Variants in SNTG1 observed in about 807,000 individuals in gnomAD.
SNTG1 encodes syntrophin gamma 1, also known as gamma-1-syntrophin.
In SNTG1, 39 loss-of-function variants were observed where a neutral mutation model predicts 74.7. The ratio of observed to expected loss-of-function variants is 0.52; its 90% CI spans 0.40 to 0.68. The LOEUF is 0.68. Ranked by LOEUF, SNTG1 falls within the 30% of genes least tolerant of loss-of-function variation. The pLI is 0.00. For synonymous variants in SNTG1, 254 were observed against 217.1 expected (o/e 1.17, Z -1.49); for missense variants, 685 against 609.5 (o/e 1.12, Z -1.30).
chr8:50,411,910 T>A (rs1404749114), intron 4 of SNTG1, among the ~76,000 whole-genome samples: 2 of 152,086 alleles, frequency 1.3e-5, no homozygotes, highest in African/African-American at 4.8e-5. Flanking sequence ...CCATCTCAGG[T>A]TCCATAGTCT....
At chr8:50,253,292 G>T (rs529811073) in intron 2 of SNTG1, among the ~76,000 whole-genome samples, 7 of 151,936 alleles carry the variant, frequency 4.6e-5, no homozygotes, top group African/African-American at 1.5e-4. Flanking sequence ...GCGTGGTGGC[G>T]GGCACCTGTA....
At chr8:50,512,236 T>A (rs1260781639) in intron 9 of SNTG1, among the ~76,000 whole-genome samples, 2 of 152,128 alleles carry the variant, frequency 1.3e-5, no homozygotes, top group Non-Finnish European at 2.9e-5. Flanking sequence ...GAATGTTTAA[T>A]ATTGGCCCCC....
chr8:50,303,049 T>A lies in SNTG1; in HGVS notation c.-27-91163T>A, dbSNP rs1486111847. On this transcript the variant is annotated intron_variant, in intron 2 of 18. Transcript: ENST00000642720. ...ACCATATGCCAAAATGTCTTAAAAT[T>A]TCTCATTTTAAAAAACATTTAAATT... is the stretch of plus-strand genomic sequence containing the variant. Among the ~76,000 whole-genome samples the A allele has an allele frequency of 2.0e-5, 3 of 152,198 alleles. No homozygotes were observed. The East Asian group carries it at 5.8e-4, about 29-fold the overall frequency.
At chr8:50,050,746 A>G (rs1803852642) in intron 1 of SNTG1, among the ~76,000 whole-genome samples, 1 of 152,082 alleles carries the variant, frequency 6.6e-6, no homozygotes, top group Admixed American at 6.6e-5. Flanking sequence ...AAAGAAAACT[A>G]CAGGTCAACA....
intron 2 of SNTG1, among the ~76,000 whole-genome samples, chr8:50,276,928 C>G (rs2088146776): frequency 6.6e-6 from 1 of 152,014 alleles, no homozygotes; most frequent in Non-Finnish European, 1.5e-5. Flanking sequence ...AGCTCCGCCT[C>G]CCACCATTCT....
chr8:50,016,038 C>T (rs985472436), intron 1 of SNTG1, among the ~76,000 whole-genome samples: 2 of 152,016 alleles, frequency 1.3e-5, no homozygotes, highest in African/African-American at 2.4e-5. Context: ...CAGTGCATCA[C>T]ATTGATTTGC....
intron 13 of SNTG1, among the ~76,000 whole-genome samples, chr8:50,646,704 T>C (rs900305536): frequency 2.0e-5 from 3 of 152,178 alleles, no homozygotes; most frequent in African/African-American, 7.2e-5. Flanking sequence ...TGTAGATATA[T>C]ATTAAAAACT....
At chr8:49,933,112 G>A (rs1807745103) in intron 1 of SNTG1, among the ~76,000 whole-genome samples, 1 of 152,110 alleles carries the variant, frequency 6.6e-6, no homozygotes, top group Non-Finnish European at 1.5e-5. Context: ...GTGAACGTAT[G>A]TTTTCAATTT....
At chr8:50,266,646 ATGTGTGTGTG>A (rs748153246) in intron 2 of SNTG1, among the ~76,000 whole-genome samples, 4 of 69,724 alleles carry the variant, frequency 5.7e-5, no homozygotes, top group African/African-American at 1.2e-4. Flanking sequence ...ACACAGAATT[ATGTGTGTGTG>A]TGTGTGTGTG....
At chr8:50,585,018 G>T (rs1331315839) in intron 12 of SNTG1, among the ~76,000 whole-genome samples, 1 of 152,114 alleles carries the variant, frequency 6.6e-6, no homozygotes, top group African/African-American at 2.4e-5. Context: ...GCAGGCATTG[G>T]CTCTGGGTCA....
intron 17 of SNTG1, among the ~76,000 whole-genome samples, chr8:50,745,860 G>C (rs2095553977): frequency 6.6e-6 from 1 of 151,808 alleles, no homozygotes; most frequent in South Asian, 2.1e-4. Context: ...AGGGTGCCTG[G>C]GGCAGTGGGG....
intron 12 of SNTG1, among the ~76,000 whole-genome samples, chr8:50,555,361 C>T (rs903988875): frequency 2.0e-5 from 3 of 152,096 alleles, no homozygotes; most frequent in Non-Finnish European, 2.9e-5. Flanking sequence ...GAAAGTACTA[C>T]ATAAATGTTG....
At chr8:50,567,427 G>A (rs1162135690) in intron 12 of SNTG1, among the ~76,000 whole-genome samples, 2 of 152,054 alleles carry the variant, frequency 1.3e-5, no homozygotes, top group Non-Finnish European at 1.5e-5. Flanking sequence ...TACCCTATAT[G>A]TGTTGTTTAT....
intron 9 of SNTG1, among the ~76,000 whole-genome samples, chr8:50,524,778 C>G (rs912671830): frequency 6.6e-6 from 1 of 152,060 alleles, no homozygotes; most frequent in South Asian, 2.1e-4. Flanking sequence ...AAATACTACA[C>G]CATTTTATGT....
At chr8:50,648,936 A>G (rs1308603210) in intron 13 of SNTG1, among the ~76,000 whole-genome samples, 1 of 152,098 alleles carries the variant, frequency 6.6e-6, no homozygotes, top group African/African-American at 2.4e-5. Flanking sequence ...ATGCATTCCA[A>G]ATACTATAGT....
chr8:50,101,045 T>G (rs1413947248), intron 1 of SNTG1, among the ~76,000 whole-genome samples: 1 of 152,148 alleles, frequency 6.6e-6, no homozygotes, highest in Non-Finnish European at 1.5e-5. Context: ...GGTTTTCTGT[T>G]CCTACGTTAC....
At chr8:50,098,435 A>G (rs1041146205) in intron 1 of SNTG1, among the ~76,000 whole-genome samples, 6 of 152,208 alleles carry the variant, frequency 3.9e-5, no homozygotes, top group Non-Finnish European at 7.3e-5. Context: ...AAATAATACC[A>G]TCTAACAACT....
intron 17 of SNTG1, among the ~76,000 whole-genome samples, chr8:50,722,364 G>A (rs1311296669): frequency 3.3e-5 from 5 of 151,710 alleles, no homozygotes; most frequent in Non-Finnish European, 5.9e-5. Context: ...TAATAGAGAC[G>A]GGGTTTTTAC....
chr8:50,474,925 T>C (rs1055073867), intron 8 of SNTG1, among the ~76,000 whole-genome samples: 1 of 151,742 alleles, frequency 6.6e-6, no homozygotes, highest in African/African-American at 2.4e-5. Flanking sequence ...ATGTCCTTTG[T>C]AGGGATATGG....
Sources: allele counts gnomAD v4.1 joint callset (sites outside exome capture counted in the v4.1 genomes callset), GRCh38; gene constraint gnomAD v4.1.1; transcripts MANE v1.5; gene names NCBI Gene and HGNC (gene_info 2026-07-23, HGNC 2026-07-21).